GDF5: variants seen among roughly 807,000 people sequenced by gnomAD.
The protein encoded by GDF5 is growth/differentiation factor 5.
GDF5 carries 17 observed loss-of-function variants against 34.6 expected under a neutral mutation model. The observed-to-expected ratio is 0.49, with a 90% CI of 0.34 to 0.74. The LOEUF is 0.74. Among genes scored for constraint, GDF5 ranks in the 30% least tolerant of loss-of-function variants. GDF5 has a pLI of 0.01. For synonymous variants in GDF5, 332 were observed against 290.7 expected, an observed-to-expected ratio of 1.14 and a Z score of -1.44; for missense variants, 616 against 661.2, an observed-to-expected ratio of 0.93 and a Z score of 0.75.
In GDF5 at chr20:35,451,074, T is replaced by TATATATATAA. The variant is rs2062531243; in HGVS notation, c.-398+3565_-398+3566insTTATATATAT. On this transcript the variant is annotated intron_variant, in intron 1 of 3. Transcript: ENST00000374372. ...AAAAAAAAAAAAAAAAATATATATA[T>TATATATATAA]ATATATATATATATATATACACAAA... 1.2e-4 allele frequency among the ~76,000 whole-genome samples: 5 copies of TATATATATAA among 41,862 alleles called. No homozygotes were observed. In the East Asian group the frequency reaches 1.3e-3, roughly 11 times the overall value. The allele number at this position is 41,862 out of a possible 152,430, so 27.5% of individuals were successfully genotyped here. A position where few individuals can be genotyped will look rare whatever the true frequency, so the allele number is the denominator to read the frequency against.
rs2062476442 is a variant in GDF5 at position 35,437,321 on chromosome 20, G to C, written c.608C>G (p.Thr203Ser). Residue 203 changes from threonine (T) to serine (S), a missense_variant, in exon 1 of 2, where the codon ACC (threonine) becomes AGC (serine). Transcript: ENST00000374369. ...ACCTTGCCCTTTGTCAATAAAGCTG[G>C]TGATGGTGTTGGCCAGGCCAGCCTC... ...KLEAGLANTI[T>S]SFIDKGQDDR... 1 of 1,612,824 alleles carries C rather than the reference G, an allele frequency of 6.2e-7. No homozygotes were observed. The highest frequency in any genetic ancestry group is 1.3e-5 in the African/African-American group (1 of 74,908).
At chr20:35,449,885 A>C (rs1427344122) in intron 1 of GDF5, among the ~76,000 whole-genome samples, 1 of 151,936 alleles carries the variant, frequency 6.6e-6, no homozygotes, top group African/African-American at 2.4e-5. Flanking sequence ...GCTACTCGGG[A>C]GGCTGAGCCA....
chr20:35,449,592 C>G (rs1183934813), intron 1 of GDF5, among the ~76,000 whole-genome samples: 1 of 152,190 alleles, frequency 6.6e-6, no homozygotes, highest in Non-Finnish European at 1.5e-5. Flanking sequence ...AACAGAGGCT[C>G]TGGACAGAGT....
At chr20:35,442,557 G>C (rs1338900422), upstream of GDF5, among the ~76,000 whole-genome samples, 18 of 29,794 alleles carry the variant, frequency 6.0e-4, no homozygotes, top group Non-Finnish European at 1.1e-3. Flanking sequence ...TTTTTTTTTT[G>C]AGACAGAGTC....
At chr20:35,443,932 T>A (rs1230014366) in intron 1 of GDF5, among the ~76,000 whole-genome samples, 1 of 152,192 alleles carries the variant, frequency 6.6e-6, no homozygotes, top group East Asian at 1.9e-4. Context: ...TTCCCATTCA[T>A]GATGCTATCC....
In GDF5 at chr20:35,437,329, G is replaced by A. The variant is rs776250724; in HGVS notation, c.600C>T (p.Asn200=). Residue 200 remains asparagine (N), a synonymous_variant, in exon 1 of 2, where the codon AAC becomes AAT. Coordinates refer to ENST00000374369, the MANE Select transcript of GDF5 (RefSeq NM_000557.5). The stretch of plus-strand genomic sequence containing the variant: ...CTTTGTCAATAAAGCTGGTGATGGT[G>A]TTGGCCAGGCCAGCCTCCAACTTCA... ...SSVKLEAGLA[N]TITSFIDKGQ... 3 of 1,613,214 alleles carry A rather than the reference G, an allele frequency of 1.9e-6. No individual in the cohort carries two copies. The highest frequency in any genetic ancestry group is 2.5e-6 in the Non-Finnish European group (3 of 1,179,642).
upstream of GDF5, among the ~76,000 whole-genome samples, chr20:35,443,159 G>C (rs1394181714): frequency 1.3e-5 from 2 of 152,134 alleles, no homozygotes; most frequent in Non-Finnish European, 2.9e-5. Flanking sequence ...TCTCCAGAGA[G>C]GAGCCCAGGG....
rs1426815431 is a variant in GDF5 at position 35,434,152 on chromosome 20, G to T, written c.1263C>A (p.Pro421=). 6.2e-7 allele frequency: 1 copy of T among 1,614,204 alleles called. No individual in the cohort carries two copies. The highest frequency in any genetic ancestry group is 8.5e-7 in the Non-Finnish European group (1 of 1,180,038). ...DMGWDDWIIA[P]LEYEAFHCEG... is the part of the protein sequence containing the mutation. Reference sequence around the variant, plus strand: ...CGCAGTGGAAAGCCTCGTACTCAAGGGGTGCGATGATCCAGTCGTCCCAGC... The same window carrying T: ...CGCAGTGGAAAGCCTCGTACTCAAGTGGTGCGATGATCCAGTCGTCCCAGC... The change falls in exon 2 of 2, where the codon CCC becomes CCA. Residue 421 remains proline (P), a synonymous_variant. Transcript: ENST00000374369.
At chr20:35,448,597 C>A (rs890658963) in intron 1 of GDF5, among the ~76,000 whole-genome samples, 1 of 151,840 alleles carries the variant, frequency 6.6e-6, no homozygotes, top group Non-Finnish European at 1.5e-5. Flanking sequence ...GTGCACGACA[C>A]CAGGCCCGGC....
chr20:35,446,101 A>G (rs1280145783), intron 1 of GDF5, among the ~76,000 whole-genome samples: 1 of 152,140 alleles, frequency 6.6e-6, no homozygotes, highest in Admixed American at 6.5e-5. Context: ...TGAGGTCAGG[A>G]GTTTGAGACC....
intron 1 of GDF5, among the ~76,000 whole-genome samples, chr20:35,436,548 A>G (rs2062473552): frequency 1.3e-5 from 2 of 152,288 alleles, no homozygotes; most frequent in East Asian, 1.9e-4. Context: ...AAGCTGCAAC[A>G]GTAACATTAG....
intron 1 of GDF5, chr20:35,454,046 C>G: frequency 1.9e-6 from 1 of 532,676 alleles, no homozygotes; most frequent in Non-Finnish European, 3.9e-6. Context: ...GGGTGGAAAC[C>G]AAGAGTCTGC....
chr20:35,451,068 T>TATATATATATATATATAA (rs1568738403), intron 1 of GDF5, among the ~76,000 whole-genome samples: 5 of 31,614 alleles, frequency 1.6e-4, no homozygotes, highest in Admixed American at 6.0e-4. Flanking sequence ...AAAAAAAATA[T>TATATATATATATATATAA]ATATATATAT....
chr20:35,437,813 C>T lies in GDF5; in HGVS notation c.116G>A (p.Arg39Lys), dbSNP rs2062481184. The T allele has an allele frequency of 1.2e-6, 2 of 1,613,558 alleles. No individual in the cohort carries two copies. The highest frequency in any genetic ancestry group is 1.7e-5 in the Admixed American group (1 of 59,874). ...GGCCTCTGCTTTGGCCAATCCTGGCCTGGTCCCCTGGGGTCTCTGGCCCAA... is the reference window on the plus strand; with the variant it reads ...GGCCTCTGCTTTGGCCAATCCTGGCTTGGTCCCCTGGGGTCTCTGGCCCAA... ...PDLGQRPQGT[R>K]PGLAKAEAKE... Residue 39 changes from arginine (R) to lysine (K), a missense_variant, in exon 1 of 2, where the codon AGG becomes AAG. Coordinates refer to ENST00000374369, the MANE Select transcript of GDF5 (RefSeq NM_000557.5).
intron 1 of GDF5, among the ~76,000 whole-genome samples, chr20:35,435,612 A>T (rs186785162): frequency 2.0e-5 from 3 of 151,824 alleles, no homozygotes; most frequent in Non-Finnish European, 2.9e-5. Context: ...TGTTATGCAG[A>T]TGAGGCACAG....
intron 1 of GDF5, among the ~76,000 whole-genome samples, chr20:35,450,882 G>A (rs1182583165): frequency 1.3e-5 from 2 of 151,582 alleles, no homozygotes; most frequent in Non-Finnish European, 2.9e-5. Context: ...TAGTCACTTG[G>A]TTTGAGCGGT....
At chr20:35,453,431 G>A (rs565068813) in intron 1 of GDF5, among the ~76,000 whole-genome samples, 1 of 152,272 alleles carries the variant, frequency 6.6e-6, no homozygotes, top group East Asian at 1.9e-4. Flanking sequence ...GTATGCAAAC[G>A]CCCTGAGGCA....
At position 35,454,014 on chromosome 20, in the gene GDF5, C is replaced by T. The variant is rs1021055238; in HGVS notation, c.-398+626G>A. The T allele has an allele frequency of 5.6e-6, 3 of 534,456 alleles. No homozygotes were observed. The African/African-American group carries it at 5.8e-5, about 10-fold the overall frequency. 33.1% of individuals were successfully genotyped at this position (534,456 alleles called of 1,614,324 possible). On this transcript the variant is annotated intron_variant, in intron 1 of 3. Coordinates refer to the GDF5 transcript ENST00000374372. ...TAAAATGCAGATTCCTGGACTCCAC[C>T]CCCGGTTTAGGGATTCTCTGGGGGT...
At chr20:35,442,177 C>T (rs1415545999), upstream of GDF5, among the ~76,000 whole-genome samples, 2 of 152,098 alleles carry the variant, frequency 1.3e-5, no homozygotes, top group African/African-American at 2.4e-5. Flanking sequence ...GATGGAGCCT[C>T]GCTCTCTCAC....
Sources: allele counts gnomAD v4.1 joint callset (sites outside exome capture counted in the v4.1 genomes callset), GRCh38; gene constraint gnomAD v4.1.1; transcripts MANE v1.5; gene names NCBI Gene and HGNC (gene_info 2026-07-23, HGNC 2026-07-21).